EPHA6: variants seen among roughly 807,000 people sequenced by gnomAD.
The protein encoded by EPHA6 is EPH receptor A6, also known as ephrin type-A receptor 6.
A neutral mutation model predicts 112.0 loss-of-function variants in EPHA6; 50 were observed. The ratio of observed to expected loss-of-function variants is 0.45; its 90% CI spans 0.36 to 0.56. EPHA6 has a LOEUF of 0.56. Among genes scored for constraint, EPHA6 ranks in the 20% least tolerant of loss-of-function variants. EPHA6 has a pLI of 0.00. For synonymous variants in EPHA6, 529 were observed against 490.7 expected, an observed-to-expected ratio of 1.08 and a Z score of -1.03; for missense variants, 1,280 against 1,417.4, an observed-to-expected ratio of 0.90 and a Z score of 1.56.
chr3:97,652,281 C>T (rs2094112356), intron 14 of EPHA6, among the ~76,000 whole-genome samples: 1 of 151,976 alleles, frequency 6.6e-6, no homozygotes, highest in Admixed American at 6.6e-5. Flanking sequence ...CTTACTTATT[C>T]CCAGTGTAAA....
At position 97,141,420 on chromosome 3, in the gene EPHA6, A is replaced by G. The variant is rs547290741; in HGVS notation, c.1115-84844A>G. Among the ~76,000 whole-genome samples the G allele has an allele frequency of 4.6e-5, 7 of 152,210 alleles. No homozygotes were observed. The East Asian group carries it at 1.3e-3, about 29-fold the overall frequency. ...CATGGAAGATTCTCCAAAATTGACC[A>G]TATGCTTAGTCATAAAGCAAGCCTC... On this transcript the variant is annotated intron_variant, in intron 3 of 17. Coordinates refer to ENST00000389672, the MANE Select transcript of EPHA6 (RefSeq NM_001080448.3).
At chr3:97,474,692 T>G (rs1438271447) in intron 7 of EPHA6, among the ~76,000 whole-genome samples, 2 of 152,042 alleles carry the variant, frequency 1.3e-5, no homozygotes, top group East Asian at 3.9e-4. Context: ...GCAGCTCATG[T>G]GCTTTTAAGA....
chr3:96,995,898 C>G (rs755408025), intron 3 of EPHA6, among the ~76,000 whole-genome samples: 1 of 152,050 alleles, frequency 6.6e-6, no homozygotes, highest in Non-Finnish European at 1.5e-5. Context: ...GTGTCAATTT[C>G]TTAAGATAAC....
At chr3:96,954,356 T>C (rs556048975) in intron 2 of EPHA6, among the ~76,000 whole-genome samples, 2 of 152,296 alleles carry the variant, frequency 1.3e-5, no homozygotes, top group East Asian at 3.9e-4. Context: ...TTGGTGATTT[T>C]CCCCAATATC....
rs1335802631 is a variant in EPHA6 at position 97,751,070 on chromosome 3, A to G, written c.*2369A>G. Among the ~76,000 whole-genome samples, 1 of 152,160 alleles carries G rather than the reference A, an allele frequency of 6.6e-6. No individual in the cohort carries two copies. Among genetic ancestry groups the G allele is most frequent in the Non-Finnish European group, 1.5e-5 (1 of 68,024 alleles). On this transcript the variant is annotated 3_prime_UTR_variant, in exon 18 of 18. Coordinates refer to ENST00000389672, the MANE Select transcript of EPHA6 (RefSeq NM_001080448.3). ...AACAGATATAAAACAGATTAAATTT[A>G]TTAATCATATATTTATTTTTATAAT...
chr3:96,979,895 G>A (rs1249061489), intron 2 of EPHA6, among the ~76,000 whole-genome samples: 2 of 152,134 alleles, frequency 1.3e-5, no homozygotes, highest in Non-Finnish European at 2.9e-5. Flanking sequence ...TTTTGATGGG[G>A]TTGTTTGCTT....
At chr3:97,423,198 G>A (rs1396385652) in intron 6 of EPHA6, among the ~76,000 whole-genome samples, 1 of 152,068 alleles carries the variant, frequency 6.6e-6, no homozygotes, top group East Asian at 1.9e-4. Context: ...CAAATAAAAA[G>A]AGAGGAAGAA....
intron 14 of EPHA6, among the ~76,000 whole-genome samples, chr3:97,677,919 G>A (rs1469321721): frequency 6.6e-6 from 1 of 152,004 alleles, no homozygotes; most frequent in Non-Finnish European, 1.5e-5. Context: ...AGATTATAAT[G>A]TCAATATGAA....
At position 97,749,976 on chromosome 3, in the gene EPHA6, T is replaced by C. The variant is rs1022583248; in HGVS notation, c.*1275T>C. ...TTACATAAAAATGAGAACACAGCTG[T>C]GTTGTCATAATCTTCTGAGAGGCTT... On this transcript the variant is annotated 3_prime_UTR_variant, in exon 18 of 18. Coordinates refer to ENST00000389672, the MANE Select transcript of EPHA6 (RefSeq NM_001080448.3). Among the ~76,000 whole-genome samples the C allele has an allele frequency of 6.6e-6, 1 of 152,156 alleles. No homozygotes were observed. Among genetic ancestry groups the C allele is most frequent in the Admixed American group, 6.5e-5 (1 of 15,270 alleles).
At chr3:96,820,757 A>G (rs2033189180) in intron 1 of EPHA6, among the ~76,000 whole-genome samples, 1 of 152,050 alleles carries the variant, frequency 6.6e-6, no homozygotes, top group South Asian at 2.1e-4. Context: ...GGATCAACAA[A>G]TGCAATTTGA....
At chr3:97,743,550 T>C (rs2035594118) in intron 16 of EPHA6, among the ~76,000 whole-genome samples, 2 of 152,028 alleles carry the variant, frequency 1.3e-5, no homozygotes, top group African/African-American at 4.8e-5. Context: ...CATCCACATA[T>C]AGAATAGTAT....
chr3:97,223,791 G>A (rs1392251871), intron 3 of EPHA6, among the ~76,000 whole-genome samples: 2 of 152,180 alleles, frequency 1.3e-5, no homozygotes, highest in African/African-American at 2.4e-5. Flanking sequence ...TGGAGAGGTA[G>A]GCAGGGCCAA....
intron 2 of EPHA6, among the ~76,000 whole-genome samples, chr3:96,926,917 G>A (rs2040064809): frequency 6.6e-6 from 1 of 152,284 alleles, no homozygotes; most frequent in South Asian, 2.1e-4. Flanking sequence ...AGCTGCACTA[G>A]GCAGTGCCCC....
At chr3:97,571,290 A>C (rs2093330377) in intron 11 of EPHA6, among the ~76,000 whole-genome samples, 1 of 152,086 alleles carries the variant, frequency 6.6e-6, no homozygotes, top group African/African-American at 2.4e-5. Context: ...GTCAAAATTA[A>C]GTGTAATAAG....
intron 14 of EPHA6, among the ~76,000 whole-genome samples, chr3:97,690,130 T>G (rs1288004457): frequency 2.6e-5 from 4 of 152,252 alleles, no homozygotes; most frequent in Non-Finnish European, 4.4e-5. Context: ...TGTTTTTATT[T>G]ATCTTGGGTA....
intron 5 of EPHA6, among the ~76,000 whole-genome samples, chr3:97,364,496 T>TTATG (rs1342860916): frequency 6.6e-6 from 1 of 152,010 alleles, no homozygotes; most frequent in Non-Finnish European, 1.5e-5. Flanking sequence ...TTCCTTAGAA[T>TTATG]TATGTCACAG....
intron 12 of EPHA6, among the ~76,000 whole-genome samples, chr3:97,594,055 T>C (rs1210729785): frequency 1.3e-5 from 2 of 152,182 alleles, no homozygotes; most frequent in African/African-American, 4.8e-5. Flanking sequence ...TATAAACATG[T>C]AGCTTTCATG....
At chr3:97,079,607 A>G (rs1447878142) in intron 3 of EPHA6, among the ~76,000 whole-genome samples, 2 of 74,210 alleles carry the variant, frequency 2.7e-5, no homozygotes, top group African/African-American at 4.6e-4. Context: ...AATTAAAAGT[A>G]AAAAAAAAAA....
intron 3 of EPHA6, among the ~76,000 whole-genome samples, chr3:97,134,843 A>G (rs989250106): frequency 6.6e-6 from 1 of 152,132 alleles, no homozygotes; most frequent in Non-Finnish European, 1.5e-5. Flanking sequence ...GATGCGAGAT[A>G]TGACAACTTG....
Sources: gnomAD v4.1 joint callset for allele counts (sites outside exome capture counted in the v4.1 genomes callset) on GRCh38, gnomAD v4.1.1 for gene constraint, MANE v1.5 for transcripts, NCBI Gene and HGNC (gene_info 2026-07-23, HGNC 2026-07-21) for gene names.